Variants in KALRN observed in about 807,000 individuals in gnomAD.
The protein encoded by KALRN is kalirin RhoGEF kinase, also known as kalirin.
Under a neutral mutation model 353.7 loss-of-function variants are expected in KALRN, and 70 were observed. The observed-to-expected ratio is 0.20, with a 90% confidence interval of 0.16 to 0.24. The LOEUF (loss-of-function observed/expected upper bound fraction) is 0.24, where lower values mean the gene tolerates loss of function less well. KALRN is among the 10% of genes least tolerant of loss of function. The probability of loss-of-function intolerance (pLI) is 1.00; values close to 1 mark genes in which losing one functional copy is unlikely to be tolerated. For missense variants in KALRN, 2,791 were observed against 3,756.7 expected (o/e 0.74, Z 6.72); for synonymous variants, 1,391 against 1,434.8 (o/e 0.97, Z 0.69).
At chr3:124,345,554 G>C (rs1165167007) in intron 9 of KALRN, among the ~76,000 whole-genome samples, 33 of 152,160 alleles carry the variant, frequency 2.2e-4, no homozygotes, top group Non-Finnish European at 1.5e-5. Context: ...TTTCTTTTTA[G>C]GGTTGTGCCT....
At chr3:124,576,107 CTGTCACACT>C (rs976610121) in intron 34 of KALRN, among the ~76,000 whole-genome samples, 3 of 151,680 alleles carry the variant, frequency 2.0e-5, no homozygotes, top group African/African-American at 7.3e-5. Context: ...GGATGTCTTG[CTGTCACACT>C]TCCTTCTGCT....
chr3:124,349,406 C>T (rs7615081), intron 10 of KALRN, among the ~76,000 whole-genome samples: 7,993 of 152,226 alleles, frequency 0.053, 669 homozygotes, highest in African/African-American at 0.18. Flanking sequence ...GCTTTGAATA[C>T]GGCCCAACAC....
intron 14 of KALRN, among the ~76,000 whole-genome samples, chr3:124,416,453 AG>A (rs2092502080): frequency 6.6e-6 from 1 of 152,252 alleles, no homozygotes; most frequent in South Asian, 2.1e-4. Context: ...CTTTGTCAAA[AG>A]AGGTTTGGCC....
chr3:124,414,730 C>A (rs779387155), intron 14 of KALRN, among the ~76,000 whole-genome samples: 1 of 152,130 alleles, frequency 6.6e-6, no homozygotes, highest in Admixed American at 6.5e-5. Flanking sequence ...AGTGCTAGAG[C>A]CCAGATCTCT....
intron 33 of KALRN, among the ~76,000 whole-genome samples, chr3:124,554,976 T>C (rs1378035546): frequency 6.6e-6 from 1 of 152,210 alleles, no homozygotes; most frequent in Non-Finnish European, 1.5e-5. Flanking sequence ...ACAAGGATAC[T>C]AGCCATCTCT....
intron 11 of KALRN, among the ~76,000 whole-genome samples, chr3:124,392,379 A>C (rs35971751): frequency 0.19 from 28,436 of 152,138 alleles, 3,520 homozygotes; most frequent in East Asian, 0.61. Flanking sequence ...GTGTATACAC[A>C]CATATATCAA....
chr3:124,089,839 C>G (rs530845787), intron 1 of KALRN, among the ~76,000 whole-genome samples: 1 of 152,220 alleles, frequency 6.6e-6, no homozygotes, highest in African/African-American at 2.4e-5. Flanking sequence ...GAGTCATGGA[C>G]TCTGCTCCCT....
chr3:124,470,469 A>T (rs1249494634), intron 25 of KALRN, among the ~76,000 whole-genome samples: 1 of 152,184 alleles, frequency 6.6e-6, no homozygotes, highest in African/African-American at 2.4e-5. Flanking sequence ...TTACATTGAG[A>T]TGGTAATGAA....
chr3:124,383,021 G>T (rs72978444), intron 10 of KALRN, among the ~76,000 whole-genome samples: 2,115 of 152,266 alleles, frequency 0.014, 50 homozygotes, highest in African/African-American at 0.046. Flanking sequence ...CCCAGTTGGG[G>T]CCAAGTGATT....
chr3:124,259,721 C>G (rs1384983926), intron 3 of KALRN, among the ~76,000 whole-genome samples: 1 of 152,160 alleles, frequency 6.6e-6, no homozygotes, highest in Non-Finnish European at 1.5e-5. Context: ...CCTGCCCTTA[C>G]TGAGGTTACT....
At chr3:124,511,247 C>T (rs1054377735) in intron 33 of KALRN, among the ~76,000 whole-genome samples, 2 of 152,198 alleles carry the variant, frequency 1.3e-5, no homozygotes, top group Admixed American at 1.3e-4. Flanking sequence ...GTTGAACACT[C>T]TCTGTTCCTA....
chr3:124,717,385 G>A lies in KALRN; in HGVS notation c.8415G>A (p.Lys2805=), dbSNP rs1357931923. 6.3e-7 allele frequency: 1 copy of A among 1,591,180 alleles called. No individual in the cohort carries two copies. The part of the protein sequence containing the change: ...HNCRVAHLDI[K]PENLLIDLRI... ...GCAGGGTTGCACATTTGGACATAAAGGTAATAAGAAGTGGCAACCTGCTGG... is the reference window on the plus strand; with the variant it reads ...GCAGGGTTGCACATTTGGACATAAAAGTAATAAGAAGTGGCAACCTGCTGG... The change falls in exon 59 of 60, where the codon AAG becomes AAA. Residue 2805 remains lysine, a splice_region_variant and synonymous_variant. Coordinates refer to ENST00000682506, the MANE Select transcript of KALRN (RefSeq NM_001388419.1).
intron 16 of KALRN, among the ~76,000 whole-genome samples, chr3:124,432,152 G>A (rs1345378833): frequency 2.0e-5 from 3 of 152,162 alleles, no homozygotes; most frequent in East Asian, 3.9e-4. Flanking sequence ...GTTCACATGT[G>A]TAATCCCAGC....
At chr3:124,341,995 G>A (rs1439589461) in intron 9 of KALRN, among the ~76,000 whole-genome samples, 1 of 151,790 alleles carries the variant, frequency 6.6e-6, no homozygotes. Context: ...GTGTTGGGGG[G>A]TGAGGCAGGA....
intron 1 of KALRN, among the ~76,000 whole-genome samples, chr3:124,082,709 T>C (rs2149325337): frequency 6.6e-6 from 1 of 152,322 alleles, no homozygotes; most frequent in South Asian, 2.1e-4. Context: ...CAGAGGAGTT[T>C]ACAGTGTGGT....
At position 124,655,687 on chromosome 3, in the gene KALRN, T is replaced by G. The variant is rs1185855627; in HGVS notation, c.5862+20T>G. On this transcript the variant is annotated intron_variant, in intron 39 of 59. Coordinates refer to ENST00000682506, the MANE Select transcript of KALRN (RefSeq NM_001388419.1). ...GTGGAGGTAAGTAGAGGGTTCCAGG[T>G]GGGTCTGTGGTCACCCAACCAGGAG... The G allele has an allele frequency of 6.2e-7, 1 of 1,605,464 alleles. No individual in the cohort carries two copies. The highest frequency in any genetic ancestry group is 1.7e-4 in the Middle Eastern group (1 of 6,038).
chr3:124,214,224 A>G (rs2077126866), intron 1 of KALRN, among the ~76,000 whole-genome samples: 2 of 152,142 alleles, frequency 1.3e-5, no homozygotes, highest in Admixed American at 1.3e-4. Flanking sequence ...TAACTATTTT[A>G]TAATCTTTTT....
chr3:124,117,315 A>G (rs1239724183), intron 1 of KALRN, among the ~76,000 whole-genome samples: 2 of 148,708 alleles, frequency 1.3e-5, no homozygotes, highest in Admixed American at 1.3e-4. Context: ...GAAAAGAAAA[A>G]CAGTGTTTTT....
At position 124,461,878 on chromosome 3, in the gene KALRN, G is replaced by A. The variant is rs1422384094; in HGVS notation, c.3855-12G>A. ...TCTATATCCAAGTAAAAGCCCATTTGTTTCCTTCTAGATTTATTATGGCTG... is the reference window on the plus strand; with the variant it reads ...TCTATATCCAAGTAAAAGCCCATTTATTTCCTTCTAGATTTATTATGGCTG... On this transcript the variant is annotated splice_polypyrimidine_tract_variant and intron_variant, in intron 23 of 59. Transcript: ENST00000682506. The A allele has an allele frequency of 3.1e-6, 5 of 1,607,414 alleles. No individual in the cohort carries two copies. The highest frequency in any genetic ancestry group is 1.3e-5 in the African/African-American group (1 of 74,874).
Sources: allele counts gnomAD v4.1 joint callset (sites outside exome capture counted in the v4.1 genomes callset), GRCh38; gene constraint gnomAD v4.1.1; transcripts MANE v1.5; gene names NCBI Gene and HGNC (gene_info 2026-07-23, HGNC 2026-07-21).